The following LPCAT2 variants were observed in gnomAD, a reference collection of about 807,000 sequenced individuals.
LPCAT2 encodes the protein lysophosphatidylcholine acyltransferase 2, also known as 1-AGP acyltransferase 11.
A neutral mutation model predicts 64.7 loss-of-function variants in LPCAT2; 58 were observed. The ratio of observed to expected loss-of-function variants is 0.90; its 90% CI spans 0.73 to 1.12. The LOEUF (loss-of-function observed/expected upper bound fraction) is 1.12. LPCAT2 is among the 50% of genes most tolerant of loss of function. The pLI is 0.00. For missense variants in LPCAT2, 579 were observed against 669.8 expected, an observed-to-expected ratio of 0.86 and a Z score of 1.50; for synonymous variants, 252 against 245.3, an observed-to-expected ratio of 1.03 and a Z score of -0.26.
intron 1 of LPCAT2, among the ~76,000 whole-genome samples, chr16:55,516,676 A>G (rs1057092374): frequency 5.3e-5 from 8 of 152,214 alleles, no homozygotes; most frequent in African/African-American, 1.9e-4. Context: ...GAAGGGTGAA[A>G]GATTTTCAAC....
chr16:55,550,112 A>G (rs1261893402), intron 10 of LPCAT2, among the ~76,000 whole-genome samples: 1 of 152,222 alleles, frequency 6.6e-6, no homozygotes. Flanking sequence ...GATAACTGAT[A>G]TAGAAAATAT....
At chr16:55,531,011 C>T (rs749784705) in intron 4 of LPCAT2, among the ~76,000 whole-genome samples, 1 of 151,964 alleles carries the variant, frequency 6.6e-6, no homozygotes, top group African/African-American at 2.4e-5. Flanking sequence ...ACCCATTAAT[C>T]GTTAGTAGTT....
At chr16:55,546,306 C>T (rs1963452743) in intron 9 of LPCAT2, among the ~76,000 whole-genome samples, 1 of 152,152 alleles carries the variant, frequency 6.6e-6, no homozygotes, top group African/African-American at 2.4e-5. Flanking sequence ...TTAATATTTT[C>T]CTGCACATAA....
chr16:55,574,859 A>C (rs1963810717), intron 12 of LPCAT2, 130 bp downstream of exon 12: 2 of 653,464 alleles, frequency 3.1e-6, no homozygotes, highest in African/African-American at 3.6e-5. Flanking sequence ...ACAGGACAAT[A>C]ATGTGATTAA....
At chr16:55,525,355 G>T (rs776207787) in intron 1 of LPCAT2, among the ~76,000 whole-genome samples, 153 bp from the exon 2 acceptor site, 21 of 152,016 alleles carry the variant, frequency 1.4e-4, no homozygotes, top group Non-Finnish European at 2.9e-4. Context: ...ATTTTTCTTT[G>T]TGCTTAAATC....
At chr16:55,557,219 C>G (rs1240627735) in intron 11 of LPCAT2, among the ~76,000 whole-genome samples, 1 of 152,062 alleles carries the variant, frequency 6.6e-6, no homozygotes, top group Non-Finnish European at 1.5e-5. Context: ...TTCTTTCCTT[C>G]CTTTTTCCTT....
At chr16:55,535,657 G>T (rs1241332423) in intron 7 of LPCAT2, among the ~76,000 whole-genome samples, 1 of 152,130 alleles carries the variant, frequency 6.6e-6, no homozygotes, top group African/African-American at 2.4e-5. Context: ...TTTAGACATG[G>T]AAGAATTGGG....
At chr16:55,577,783 T>C (rs1441726548) in intron 12 of LPCAT2, among the ~76,000 whole-genome samples, 1 of 152,066 alleles carries the variant, frequency 6.6e-6, no homozygotes, top group Non-Finnish European at 1.5e-5. Flanking sequence ...ATAACCTCTT[T>C]TGTGCTTGGA....
intron 11 of LPCAT2, chr16:55,567,315 GAAC>G: frequency 6.2e-7 from 1 of 1,613,606 alleles, no homozygotes; most frequent in Non-Finnish European, 8.5e-7. Context: ...CCAGCTAAAT[GAAC>G]AACTTTACCA....
At chr16:55,580,535 A>G (rs11076106) in intron 13 of LPCAT2, among the ~76,000 whole-genome samples, 82,579 of 151,990 alleles carry the variant, frequency 0.54, 22,815 homozygotes, top group East Asian at 0.73. Context: ...AATACAGAAT[A>G]TCTCCCCTTT....
At chr16:55,582,677 G>A (rs1463644915) in intron 13 of LPCAT2, among the ~76,000 whole-genome samples, 1 of 151,998 alleles carries the variant, frequency 6.6e-6, no homozygotes, top group African/African-American at 2.4e-5. Context: ...ATTTCTCTAG[G>A]ATATATACCT....
At chr16:55,579,368 A>G in intron 13 of LPCAT2, 124 bp downstream of exon 13, 1 of 913,916 alleles carries the variant, frequency 1.1e-6, no homozygotes. Context: ...AGTAATATTG[A>G]TGACCACAGT....
chr16:55,557,764 C>G (rs1438868392), intron 11 of LPCAT2, among the ~76,000 whole-genome samples: 2 of 152,144 alleles, frequency 1.3e-5, no homozygotes, highest in South Asian at 4.1e-4. Context: ...CAATATCTCT[C>G]CACCATTCTT....
At chr16:55,510,485 T>C (rs1962916815) in intron 1 of LPCAT2, among the ~76,000 whole-genome samples, 1 of 152,064 alleles carries the variant, frequency 6.6e-6, no homozygotes, top group African/African-American at 2.4e-5. Context: ...GAAGTTTTCA[T>C]GTCCATCTCA....
Position 55,551,222 on chromosome 16 carries a change from A to G in LPCAT2, c.1215+120A>G, listed in dbSNP as rs190039998. On this transcript the variant is annotated intron_variant, in intron 11 of 13. Coordinates refer to ENST00000262134, the MANE Select transcript of LPCAT2 (RefSeq NM_017839.5). ...TGTTAGAAGAATCAAGGCTGAGCCT[A>G]TGGTTTAATTGCATGATTTTGTTTT... 36 of 827,074 alleles carry G rather than the reference A, an allele frequency of 4.4e-5. No individual in the cohort carries two copies. In the Middle Eastern group the frequency reaches 1.2e-3, roughly 27 times the overall value. 51.2% of individuals were successfully genotyped at this position (827,074 alleles called of 1,614,324 possible).
At position 55,528,579 on chromosome 16, in the gene LPCAT2, GTCCC is replaced by G; in HGVS notation, c.517_520del (p.Pro173Ter). The G allele has an allele frequency of 6.2e-7, 1 of 1,612,604 alleles. No homozygotes were observed. Among genetic ancestry groups the G allele is most frequent in the Non-Finnish European group, 8.5e-7 (1 of 1,178,774 alleles). The stretch of plus-strand genomic sequence containing the variant: ...GGTATCTCGAAATGAGAATGCACAA[GTCCC>G]TCTGATTGGCAGTAAGTACTTGTAA... On this transcript the variant is annotated frameshift_variant, in exon 3 of 14. Transcript: ENST00000262134. LOFTEE classifies it high-confidence loss of function.
chr16:55,574,635 A>T lies in LPCAT2; in HGVS notation c.1220A>T (p.His407Leu). Reference sequence around the variant, plus strand: ...ATTTATCCCATCCTTTCACAGAACCATGATGGCAGCATTGACTTCCGAGAG... The same window carrying T: ...ATTTATCCCATCCTTTCACAGAACCTTGATGGCAGCATTGACTTCCGAGAG... ...RQLFALFDRN[H>L]DGSIDFREYV... is the part of the protein sequence containing the mutation. The change falls in exon 12 of 14, where the codon CAT becomes CTT. Residue 407 changes from histidine to leucine, a missense_variant. His to Leu is a moderately conservative substitution (Grantham distance 99). Coordinates refer to ENST00000262134, the MANE Select transcript of LPCAT2 (RefSeq NM_017839.5). 6.2e-7 allele frequency: 1 copy of T among 1,611,830 alleles called. No individual in the cohort carries two copies. The highest frequency in any genetic ancestry group is 8.5e-7 in the Non-Finnish European group (1 of 1,178,100).
chr16:55,516,098 C>A (rs1386746213), intron 1 of LPCAT2, among the ~76,000 whole-genome samples: 4 of 152,082 alleles, frequency 2.6e-5, no homozygotes, highest in Non-Finnish European at 4.4e-5. Context: ...GAGAGACACA[C>A]TTTATTTATT....
chr16:55,561,695 A>AT (rs1218827827), intron 11 of LPCAT2, among the ~76,000 whole-genome samples: 1 of 151,990 alleles, frequency 6.6e-6, no homozygotes, highest in Non-Finnish European at 1.5e-5. Flanking sequence ...AGTTCATGTA[A>AT]TTTTCTCTGA....
Sources: allele counts gnomAD v4.1 joint callset (sites outside exome capture counted in the v4.1 genomes callset), GRCh38; gene constraint gnomAD v4.1.1; transcripts MANE v1.5; gene names NCBI Gene and HGNC (gene_info 2026-07-23, HGNC 2026-07-21).